Variants in ZBTB40 observed in about 807,000 individuals in gnomAD.
ZBTB40 encodes the protein zinc finger and BTB domain-containing protein 40.
ZBTB40 carries 60 observed loss-of-function variants against 117.5 expected under a neutral mutation model. That is an observed-to-expected ratio of 0.51 (90% CI 0.41 to 0.63). The LOEUF is 0.63. Among genes scored for constraint, ZBTB40 ranks in the 30% least tolerant of loss-of-function variants. The pLI is 0.00. For synonymous variants in ZBTB40, 525 were observed against 577.1 expected (o/e 0.91, Z 1.29); for missense variants, 1,287 against 1,498.5 (o/e 0.86, Z 2.33).
At chr1:22,483,523 A>G (rs919635499) in intron 1 of ZBTB40, among the ~76,000 whole-genome samples, 17 of 152,122 alleles carry the variant, frequency 1.1e-4, no homozygotes, top group African/African-American at 4.1e-4. Context: ...TTAATTTGCA[A>G]TTCTCTAAAG....
chr1:22,506,371 G>A (rs571016159), intron 6 of ZBTB40, 130 bp downstream of exon 6: 2 of 962,524 alleles, frequency 2.1e-6, no homozygotes, highest in African/African-American at 3.3e-5. Flanking sequence ...ATAGAAACTA[G>A]CCGTCATAAA....
In ZBTB40 at chr1:22,517,456, C is replaced by T. The variant is rs1264803157; in HGVS notation, c.2825C>T (p.Thr942Ile). Residue 942 changes from threonine to isoleucine, a missense_variant, in exon 13 of 18, where the codon ACC becomes ATC. Thr to Ile is a moderately conservative substitution (Grantham distance 89). Coordinates refer to ENST00000375647, the MANE Select transcript of ZBTB40 (RefSeq NM_014870.4). Reference protein sequence around the residue: ...QANGLSIHLHTFHNIEDPYDC... With the variant: ...QANGLSIHLHIFHNIEDPYDC... ...AATGGCCTCTCCATCCATCTGCACA[C>T]CTTTCACAGTATGTAGAGACTGTGG... 1.2e-6 allele frequency: 2 copies of T among 1,613,848 alleles called. No individual in the cohort carries two copies.
chr1:22,500,198 T>G (rs924161114), intron 3 of ZBTB40, among the ~76,000 whole-genome samples: 17 of 152,214 alleles, frequency 1.1e-4, no homozygotes, highest in Admixed American at 1.0e-3. Flanking sequence ...GTGAGAGATG[T>G]TCTGTCAAAC....
rs1638578634 is a variant in ZBTB40, at chr1:22,490,019, G to A, written c.71G>A (p.Cys24Tyr). The A allele has an allele frequency of 6.2e-7, 1 of 1,613,964 alleles. No individual in the cohort carries two copies. The highest frequency in any genetic ancestry group is 8.5e-7 in the Non-Finnish European group (1 of 1,180,034). ...LYTLCKEQQF[C>Y]DCTISIGTIY... ...ACTCTGTGCAAGGAGCAGCAGTTCT[G>A]TGATTGCACCATCTCCATTGGTACC... The change falls in exon 2 of 18, where the codon TGT becomes TAT. Residue 24 changes from cysteine to tyrosine, a missense_variant. Around this residue, in one of 2 missense-constraint regions of ZBTB40, gnomAD observed 870 missense variants for 934.4 expected, o/e 0.93. Transcript: ENST00000375647.
upstream of ZBTB40, among the ~76,000 whole-genome samples, chr1:22,448,131 T>C (rs1335233820): frequency 6.6e-6 from 1 of 152,158 alleles, no homozygotes; most frequent in Non-Finnish European, 1.5e-5. Flanking sequence ...ACAGCAAAAC[T>C]GAGGAAAGAA....
chr1:22,436,293 C>T (rs1484262511), intron 1 of ZBTB40, among the ~76,000 whole-genome samples: 2 of 151,972 alleles, frequency 1.3e-5, no homozygotes, highest in Admixed American at 6.6e-5. Flanking sequence ...AGGTGGATCA[C>T]GAGGTCAGGA....
intron 1 of ZBTB40, among the ~76,000 whole-genome samples, chr1:22,453,775 T>C (rs1640940223): frequency 6.6e-6 from 1 of 152,202 alleles, no homozygotes; most frequent in Non-Finnish European, 1.5e-5. Flanking sequence ...GAACACCCTG[T>C]ATTGTTCCAT....
intron 1 of ZBTB40, among the ~76,000 whole-genome samples, chr1:22,460,164 C>T (rs1021364319): frequency 1.3e-5 from 2 of 152,058 alleles, no homozygotes; most frequent in Admixed American, 6.6e-5. Flanking sequence ...CTGTGTCCTG[C>T]GTACAGTTCA....
chr1:22,493,325 C>T (rs1382932063), intron 3 of ZBTB40, among the ~76,000 whole-genome samples: 7 of 152,204 alleles, frequency 4.6e-5, no homozygotes, highest in Admixed American at 3.3e-4. Context: ...AATTCTGTTA[C>T]AGTCCATAAC....
At chr1:22,477,260 T>A (rs1300575138) in intron 1 of ZBTB40, among the ~76,000 whole-genome samples, 1 of 152,208 alleles carries the variant, frequency 6.6e-6, no homozygotes, top group African/African-American at 2.4e-5. Context: ...CAAAACTGTT[T>A]AATGAGGATG....
At chr1:22,507,096 G>A (rs1639093809) in intron 6 of ZBTB40, among the ~76,000 whole-genome samples, 1 of 152,268 alleles carries the variant, frequency 6.6e-6, no homozygotes, top group East Asian at 1.9e-4. Context: ...TTTCAGAGCG[G>A]ATGTAGCATA....
chr1:22,506,166 G>A lies in ZBTB40; in HGVS notation c.1285G>A (p.Val429Met), dbSNP rs1178338776. 6.2e-7 allele frequency: 1 copy of A among 1,614,178 alleles called. No individual in the cohort carries two copies. The highest frequency in any genetic ancestry group is 1.7e-5 in the Admixed American group (1 of 60,022). ...GGGTTTGGTAAAACTCCTCCAGGCT[G>A]TGAAGACGACTTTCCCAAACCTGGG... ...AEGLVKLLQAVKTTFPNLGLL... is the reference protein window; with the variant it reads ...AEGLVKLLQAMKTTFPNLGLL... Residue 429 changes from valine to methionine, a missense_variant, in exon 6 of 18, where the codon GTG becomes ATG. Coordinates refer to ENST00000375647, the MANE Select transcript of ZBTB40 (RefSeq NM_014870.4).
intron 1 of ZBTB40, among the ~76,000 whole-genome samples, chr1:22,479,520 A>T (rs773099983): frequency 6.6e-6 from 1 of 152,204 alleles, no homozygotes; most frequent in African/African-American, 2.4e-5. Flanking sequence ...ATTATTAATG[A>T]GAAGTCTGTA....
In ZBTB40 at chr1:22,524,386, C is replaced by A; in HGVS notation, c.3467C>A (p.Ser1156Tyr). 6.2e-7 allele frequency: 1 copy of A among 1,614,222 alleles called. No individual in the cohort carries two copies. The highest frequency in any genetic ancestry group is 1.1e-5 in the South Asian group (1 of 91,084). ...GCCCAGCTTGACAGTCACCTGGAAT[C>A]TGAGCACCCAAAGGTGATGAGCACG... ...SQAQLDSHLE[S>Y]EHPKVMSTET... is the part of the protein sequence containing the mutation. The change falls in exon 17 of 18, where the codon TCT becomes TAT. Residue 1156 changes from serine to tyrosine, a missense_variant. This residue lies in a region of ZBTB40 where 417 missense variants were observed against 564.1 expected (regional missense o/e 0.74). Coordinates refer to ENST00000375647, the MANE Select transcript of ZBTB40 (RefSeq NM_014870.4).
At chr1:22,467,318 G>A (rs1641280521) in intron 1 of ZBTB40, among the ~76,000 whole-genome samples, 1 of 151,966 alleles carries the variant, frequency 6.6e-6, no homozygotes, top group Non-Finnish European at 1.5e-5. Flanking sequence ...GCAAATTCTC[G>A]AGTCTCTAAG....
intron 3 of ZBTB40, among the ~76,000 whole-genome samples, chr1:22,492,811 C>G (rs1376579194): frequency 6.6e-6 from 1 of 152,202 alleles, no homozygotes; most frequent in South Asian, 2.1e-4. Flanking sequence ...CCTTGGTACT[C>G]TTTGTACTGA....
rs565483169 is a variant in ZBTB40 at position 22,437,486 on chromosome 1, T to G, written c.-70+8472T>G. On this transcript the variant is annotated intron_variant, in intron 1 of 8. Transcript: ENST00000650433. ...CCCAGGCTGGAGTGCAGTGGCACAA[T>G]CTCAGCTCACTGCAACCTCTGCCTC... is the stretch of plus-strand genomic sequence containing the variant. 2.0e-5 allele frequency among the ~76,000 whole-genome samples: 3 copies of G among 151,172 alleles called. 1 individual carries two copies. In the Admixed American group the frequency reaches 2.0e-4, roughly 10 times the overall value.
chr1:22,508,756 G>A, intron 8 of ZBTB40, 25 bp downstream of exon 8: 3 of 1,607,366 alleles, frequency 1.9e-6, no homozygotes, highest in East Asian at 2.2e-5. Context: ...CTCTGGGGGG[G>A]TTTTGCCCCC....
chr1:22,465,855 G>A (rs1238135285), intron 1 of ZBTB40, among the ~76,000 whole-genome samples: 1 of 152,100 alleles, frequency 6.6e-6, no homozygotes, highest in Non-Finnish European at 1.5e-5. Context: ...AACTTGGGTG[G>A]TGCCCCTGCC....
Sources: allele counts gnomAD v4.1 joint callset (sites outside exome capture counted in the v4.1 genomes callset), GRCh38; gene constraint gnomAD v4.1.1; regional missense constraint gnomAD v4.1.1; transcripts MANE v1.5; gene names NCBI Gene and HGNC (gene_info 2026-07-23, HGNC 2026-07-21).